COBL: variants seen among roughly 807,000 people sequenced by gnomAD.
The protein encoded by COBL is protein cordon-bleu.
Under a neutral mutation model 98.8 loss-of-function variants are expected in COBL, and 51 were observed. The observed-to-expected ratio is 0.52, with a 90% CI of 0.41 to 0.65. COBL has a LOEUF of 0.65. COBL is among the 30% of genes least tolerant of loss of function. The pLI is 0.00. For synonymous variants in COBL, 634 were observed against 651.7 expected (o/e 0.97, Z 0.41); for missense variants, 1,617 against 1,617.5 (o/e 1.00, Z 0.01).
intron 6 of COBL, among the ~76,000 whole-genome samples, chr7:51,097,073 G>A (rs1163656619): frequency 2.0e-5 from 3 of 151,946 alleles, no homozygotes; most frequent in Non-Finnish European, 4.4e-5. Flanking sequence ...ATGAAACATT[G>A]GTATAAAAAT....
intron 1 of COBL, among the ~76,000 whole-genome samples, chr7:51,283,480 TTTTG>T (rs1357579519): frequency 2.6e-5 from 4 of 152,244 alleles, no homozygotes; most frequent in Non-Finnish European, 5.9e-5. Context: ...AATCTGTAGT[TTTTG>T]TTTGTTTGTT....
chr7:51,029,514 C>A lies in COBL; in HGVS notation c.1582G>T (p.Asp528Tyr), dbSNP rs778835962. 6.2e-7 allele frequency: 1 copy of A among 1,614,016 alleles called. No individual in the cohort carries two copies. Residue 528 changes from aspartate to tyrosine, a missense_variant, in exon 10 of 13, where the codon GAT (aspartate) becomes TAT (tyrosine). By Grantham distance (160) the Asp-to-Tyr change is radical. Transcript: ENST00000265136. The part of the protein sequence containing the change: ...IHGASNHCPQ[D>Y]AMIPHGDTDA... ...GTGTCGCCGTGAGGGATCATGGCAT[C>A]CTGTGGGCAGTGGTTGGATGCACCA...
chr7:51,157,066 A>G (rs1287289021), intron 5 of COBL, among the ~76,000 whole-genome samples: 2 of 152,144 alleles, frequency 1.3e-5, no homozygotes, highest in African/African-American at 4.8e-5. Flanking sequence ...ACCTCAAATC[A>G]GAGTTTTAAC....
At chr7:51,226,770 G>A (rs1037231146) in intron 1 of COBL, among the ~76,000 whole-genome samples, 1 of 152,164 alleles carries the variant, frequency 6.6e-6, no homozygotes, top group Non-Finnish European at 1.5e-5. Context: ...ACATCCCTGA[G>A]TCCAACACTA....
chr7:51,187,681 T>C (rs1372176127), intron 4 of COBL, among the ~76,000 whole-genome samples: 1 of 152,108 alleles, frequency 6.6e-6, no homozygotes, highest in Non-Finnish European at 1.5e-5. Context: ...TCTCATCAAT[T>C]AGAGCCACAC....
intron 4 of COBL, among the ~76,000 whole-genome samples, chr7:51,190,010 T>C (rs113337447): frequency 0.054 from 8,165 of 152,214 alleles, 289 homozygotes; most frequent in Middle Eastern, 0.14. Context: ...CAGTTTCACA[T>C]GATGAGCAAG....
intron 4 of COBL, among the ~76,000 whole-genome samples, chr7:51,189,532 G>C (rs754772977): frequency 1.3e-5 from 2 of 152,134 alleles, no homozygotes; most frequent in Admixed American, 6.5e-5. Flanking sequence ...TACTCAGGAG[G>C]CTGAGGCAGG....
chr7:51,226,575 TGAGTGAGTGAGG>T (rs1415793381), intron 1 of COBL, among the ~76,000 whole-genome samples: 4 of 151,654 alleles, frequency 2.6e-5, no homozygotes, highest in African/African-American at 4.8e-5. Context: ...AGTGAGTAAG[TGAGTGAGTGAGG>T]GAGTGAGTTG....
At chr7:51,219,022 T>A (rs1163863042) in intron 2 of COBL, among the ~76,000 whole-genome samples, 1 of 152,182 alleles carries the variant, frequency 6.6e-6, no homozygotes, top group African/African-American at 2.4e-5. Flanking sequence ...AACAATAAAA[T>A]CATGATTATT....
At chr7:51,052,790 T>G (rs189814510) in intron 7 of COBL, among the ~76,000 whole-genome samples, 22 of 152,352 alleles carry the variant, frequency 1.4e-4, no homozygotes, top group Non-Finnish European at 2.8e-4. Flanking sequence ...CATCCCTCCT[T>G]CTGCTGCTTT....
At chr7:51,093,318 A>C (rs1414310328) in intron 6 of COBL, among the ~76,000 whole-genome samples, 1 of 152,196 alleles carries the variant, frequency 6.6e-6, no homozygotes, top group Non-Finnish European at 1.5e-5. Context: ...GCAAAGTAAA[A>C]TCTACAGTGA....
chr7:51,289,946 C>T (rs1193254938), intron 1 of COBL, among the ~76,000 whole-genome samples: 1 of 152,186 alleles, frequency 6.6e-6, no homozygotes, highest in Non-Finnish European at 1.5e-5. Context: ...GCCTGGTTTC[C>T]TGTGTCTATT....
chr7:51,287,334 C>G (rs1800459714), intron 1 of COBL, among the ~76,000 whole-genome samples: 1 of 152,102 alleles, frequency 6.6e-6, no homozygotes, highest in South Asian at 2.1e-4. Flanking sequence ...AAAAGACAGG[C>G]AAAAGATTTC....
chr7:51,179,825 A>G (rs1483363667), intron 5 of COBL, among the ~76,000 whole-genome samples: 1 of 152,240 alleles, frequency 6.6e-6, no homozygotes, highest in Non-Finnish European at 1.5e-5. Context: ...AAGATCGCTA[A>G]CCCAACTTCA....
chr7:51,151,744 T>C (rs1785582291), intron 5 of COBL, among the ~76,000 whole-genome samples: 1 of 152,116 alleles, frequency 6.6e-6, no homozygotes, highest in South Asian at 2.1e-4. Flanking sequence ...TACCAGCAAA[T>C]ACTAAAAGGA....
intron 5 of COBL, among the ~76,000 whole-genome samples, chr7:51,159,086 G>C (rs1786507277): frequency 6.6e-6 from 1 of 152,186 alleles, no homozygotes; most frequent in South Asian, 2.1e-4. Context: ...CAGGAGCTTG[G>C]AGGAGGGCAG....
intron 1 of COBL, among the ~76,000 whole-genome samples, chr7:51,273,613 A>T (rs1304547158): frequency 6.6e-6 from 1 of 152,158 alleles, no homozygotes; most frequent in Non-Finnish European, 1.5e-5. Context: ...GTCCTCAATC[A>T]TCAGCTCTTG....
chr7:51,133,959 T>C (rs916042135), intron 6 of COBL, among the ~76,000 whole-genome samples: 2 of 152,214 alleles, frequency 1.3e-5, no homozygotes, highest in African/African-American at 2.4e-5. Flanking sequence ...TACAAAATAA[T>C]ATTTTAAAAT....
chr7:51,270,400 T>C (rs7802511), intron 1 of COBL, among the ~76,000 whole-genome samples: 2,862 of 152,324 alleles, frequency 0.019, 88 homozygotes, highest in African/African-American at 0.065. Context: ...TTCATTCACA[T>C]ATCTATGATG....
Sources: gnomAD v4.1 joint callset for allele counts (sites outside exome capture counted in the v4.1 genomes callset) on GRCh38, gnomAD v4.1.1 for gene constraint, MANE v1.5 for transcripts, NCBI Gene and HGNC (gene_info 2026-07-23, HGNC 2026-07-21) for gene names.